Variants in SLC25A21 observed in about 807,000 individuals in gnomAD.
SLC25A21 encodes the protein mitochondrial 2-oxodicarboxylate carrier.
SLC25A21 carries 47 observed loss-of-function variants against 43.8 expected under a neutral mutation model. That is an observed-to-expected ratio of 1.07 (90% CI 0.85 to 1.37). The LOEUF (loss-of-function observed/expected upper bound fraction) is 1.37, where lower values mean the gene tolerates loss of function less well. Among genes scored for constraint, SLC25A21 ranks in the 40% most tolerant of loss-of-function variants. SLC25A21 has a pLI of 0.00. For missense variants in SLC25A21, 352 were observed against 350.2 expected (o/e 1.00, Z -0.04); for synonymous variants, 131 against 121.3 (o/e 1.08, Z -0.52).
At chr14:36,845,209 C>T (rs958170044) in intron 2 of SLC25A21, among the ~76,000 whole-genome samples, 1 of 152,144 alleles carries the variant, frequency 6.6e-6, no homozygotes, top group East Asian at 1.9e-4. Context: ...CTAAAACTCA[C>T]CCTGGAAAAA....
At chr14:36,923,375 C>T (rs1892035002) in intron 1 of SLC25A21, among the ~76,000 whole-genome samples, 1 of 152,010 alleles carries the variant, frequency 6.6e-6, no homozygotes, top group Non-Finnish European at 1.5e-5. Flanking sequence ...AAGACTTTTT[C>T]AGACAAAATC....
At chr14:37,005,601 C>T (rs1960585695) in intron 1 of SLC25A21, among the ~76,000 whole-genome samples, 1 of 152,076 alleles carries the variant, frequency 6.6e-6, no homozygotes, top group African/African-American at 2.4e-5. Flanking sequence ...AAATACTGCA[C>T]TTATGGATTA....
chr14:36,940,192 C>G (rs1892521870), intron 1 of SLC25A21, among the ~76,000 whole-genome samples: 1 of 152,104 alleles, frequency 6.6e-6, no homozygotes, highest in African/African-American at 2.4e-5. Flanking sequence ...TCTGTTCATA[C>G]ATTACTTTTC....
At chr14:37,061,826 AGTTCCCTGCACT>A (rs1411425794) in intron 1 of SLC25A21, among the ~76,000 whole-genome samples, 1 of 152,228 alleles carries the variant, frequency 6.6e-6, no homozygotes, top group Non-Finnish European at 1.5e-5. Context: ...CCTGGTAGAG[AGTTCCCTGCACT>A]TCAAAAAATT....
At chr14:37,145,997 G>T (rs1963657955) in intron 1 of SLC25A21, among the ~76,000 whole-genome samples, 1 of 152,012 alleles carries the variant, frequency 6.6e-6, no homozygotes, top group Non-Finnish European at 1.5e-5. Context: ...TCAATTTGAT[G>T]GCAGGCAAAC....
chr14:37,088,808 C>T (rs1160709814), intron 1 of SLC25A21, among the ~76,000 whole-genome samples: 3 of 152,164 alleles, frequency 2.0e-5, no homozygotes, highest in Non-Finnish European at 2.9e-5. Flanking sequence ...TGCAAACGAC[C>T]GGCCCACCCG....
At chr14:37,172,200 A>AG (rs771292162) in intron 1 of SLC25A21, 81 bp downstream of exon 1, 11 of 1,383,790 alleles carry the variant, frequency 7.9e-6, no homozygotes, top group Non-Finnish European at 1.1e-5. Flanking sequence ...TTCAGTAAGG[A>AG]GACCTGTCTG....
At chr14:37,135,989 T>G (rs1963474148) in intron 1 of SLC25A21, among the ~76,000 whole-genome samples, 1 of 152,192 alleles carries the variant, frequency 6.6e-6, no homozygotes, top group South Asian at 2.1e-4. Flanking sequence ...CAGTGACTAG[T>G]CCATCTTACT....
At chr14:36,697,822 G>A (rs1185043250) in intron 7 of SLC25A21, among the ~76,000 whole-genome samples, 2 of 146,786 alleles carry the variant, frequency 1.4e-5, no homozygotes, top group African/African-American at 5.0e-5. Flanking sequence ...CATGTGAGAT[G>A]GGTCTCCTGA....
In SLC25A21 at chr14:36,678,292, T is replaced by C; in HGVS notation, c.*2366A>G. 1.7e-6 allele frequency: 1 copy of C among 573,516 alleles called. No homozygotes were observed. Among genetic ancestry groups the C allele is most frequent in the Non-Finnish European group, 3.1e-6 (1 of 322,624 alleles). 35.5% of individuals were successfully genotyped at this position (573,516 alleles called of 1,614,324 possible). ...GACACACAAATTATGTTAGAGTGAC[T>C]GCTTTTTTCAGACAGCAGATATCTT... On this transcript the variant is annotated 3_prime_UTR_variant, in exon 10 of 10. Coordinates refer to ENST00000331299, the MANE Select transcript of SLC25A21 (RefSeq NM_030631.4).
At chr14:36,876,502 G>A (rs943052362) in intron 1 of SLC25A21, among the ~76,000 whole-genome samples, 18 of 152,126 alleles carry the variant, frequency 1.2e-4, no homozygotes, top group Admixed American at 9.8e-4. Flanking sequence ...CCACAGGATC[G>A]CTGGACATGA....
chr14:36,775,539 G>A (rs1015612336), intron 3 of SLC25A21, among the ~76,000 whole-genome samples: 6 of 152,144 alleles, frequency 3.9e-5, no homozygotes, highest in Admixed American at 2.6e-4. Context: ...TGCTGAGCAC[G>A]GGGTCTTTCA....
At chr14:36,753,197 C>T (rs1207168086) in intron 3 of SLC25A21, among the ~76,000 whole-genome samples, 1 of 152,024 alleles carries the variant, frequency 6.6e-6, no homozygotes, top group Non-Finnish European at 1.5e-5. Context: ...GAAGTGTATA[C>T]TTAAAATAGC....
chr14:37,123,173 A>C (rs1963239570), intron 1 of SLC25A21, among the ~76,000 whole-genome samples: 1 of 152,182 alleles, frequency 6.6e-6, no homozygotes, highest in Non-Finnish European at 1.5e-5. Context: ...TTATTGCTTA[A>C]TGCTGTAAGT....
intron 3 of SLC25A21, among the ~76,000 whole-genome samples, chr14:36,748,356 G>C (rs147969891): frequency 1.5e-3 from 222 of 152,284 alleles, no homozygotes; most frequent in Middle Eastern, 0.01. Flanking sequence ...CATCTCTTTT[G>C]TCATTCAGTC....
At chr14:36,895,840 T>C (rs1427353397) in intron 1 of SLC25A21, among the ~76,000 whole-genome samples, 5 of 152,234 alleles carry the variant, frequency 3.3e-5, no homozygotes, top group African/African-American at 1.2e-4. Context: ...TTCCATATAG[T>C]TGTGCGGTTT....
In SLC25A21 at chr14:36,926,966, T is replaced by C. The variant is rs543447093; in HGVS notation, c.71-51962A>G. 7.2e-5 allele frequency among the ~76,000 whole-genome samples: 11 copies of C among 152,164 alleles called. No individual in the cohort carries two copies. In the East Asian group the frequency reaches 2.1e-3, roughly 30 times the overall value. On this transcript the variant is annotated intron_variant, in intron 1 of 9. Transcript: ENST00000331299. ...GGGCAGATCACTTGAGGTCAGGAAT[T>C]TGAGACTAGCCTGGGCAACATGGTG...
intron 1 of SLC25A21, among the ~76,000 whole-genome samples, chr14:37,054,911 G>C (rs1253082939): frequency 6.6e-6 from 1 of 152,158 alleles, no homozygotes. Flanking sequence ...ATGACACAGA[G>C]TGAGAAAAAA....
intron 1 of SLC25A21, among the ~76,000 whole-genome samples, chr14:37,094,501 A>G (rs1005561589): frequency 6.6e-6 from 1 of 152,206 alleles, no homozygotes; most frequent in Non-Finnish European, 1.5e-5. Flanking sequence ...GTTTGGAAGT[A>G]TCTGTCAAAA....
Sources: allele counts gnomAD v4.1 joint callset (sites outside exome capture counted in the v4.1 genomes callset), GRCh38; gene constraint gnomAD v4.1.1; transcripts MANE v1.5; gene names NCBI Gene and HGNC (gene_info 2026-07-23, HGNC 2026-07-21).